SEM1: variants seen among roughly 807,000 people sequenced by gnomAD.
SEM1 encodes the protein 26S proteasome complex subunit SEM1.
A neutral mutation model predicts 12.7 loss-of-function variants in SEM1; 3 were observed. That is an observed-to-expected ratio of 0.24 (90% CI 0.11 to 0.61). SEM1 has a LOEUF of 0.61. Among genes scored for constraint, SEM1 ranks in the 20% least tolerant of loss-of-function variants. SEM1 has a pLI of 0.88. For missense variants in SEM1, 59 were observed against 81.3 expected, an observed-to-expected ratio of 0.73 and a Z score of 1.06; for synonymous variants, 30 against 27.8, an observed-to-expected ratio of 1.08 and a Z score of -0.25.
At chr7:96,512,845 G>T (rs896046764) in intron 2 of SEM1, among the ~76,000 whole-genome samples, 1 of 151,996 alleles carries the variant, frequency 6.6e-6, no homozygotes, top group Non-Finnish European at 1.5e-5. Context: ...CTCACATTTT[G>T]ATATTTACAA....
intron 2 of SEM1, among the ~76,000 whole-genome samples, chr7:96,588,467 AG>A (rs1308254371): frequency 6.7e-6 from 1 of 148,270 alleles, no homozygotes; most frequent in African/African-American, 2.4e-5. Flanking sequence ...TGACAACATT[AG>A]GTTTGACATG....
rs1054486666 is a variant in SEM1 at position 96,705,702 on chromosome 7, C to A, written c.76+3986G>T. The stretch of plus-strand genomic sequence containing the variant: ...GGGCGTGGTGACGGGCACCTGTAAT[C>A]CCAGCTACTAGGGAGGCTGAGGCAG... On this transcript the variant is annotated intron_variant, in intron 1 of 2. Transcript: ENST00000248566. 7.6e-4 allele frequency among the ~76,000 whole-genome samples: 115 copies of A among 151,994 alleles called. 1 individual carries two copies. Among genetic ancestry groups the A allele is most frequent in the African/African-American group, 2.7e-3 (112 of 41,464 alleles).
At chr7:96,691,156 A>G (rs1333053721) in intron 2 of SEM1, among the ~76,000 whole-genome samples, 1 of 152,204 alleles carries the variant, frequency 6.6e-6, no homozygotes, top group Non-Finnish European at 1.5e-5. Flanking sequence ...TAATACATAA[A>G]CAAATGATAT....
chr7:96,482,543 A>G (rs1018140277), exon 4 of SEM1: 7 of 152,156 alleles, frequency 4.6e-5, no homozygotes, highest in Non-Finnish European at 1.0e-4. Flanking sequence ...ACAGTCTTGT[A>G]TCTTACTTTC....
At chr7:96,546,279 A>C (rs1005749538) in intron 2 of SEM1, among the ~76,000 whole-genome samples, 1 of 152,118 alleles carries the variant, frequency 6.6e-6, no homozygotes, top group African/African-American at 2.4e-5. Context: ...GAGGGGAAGA[A>C]AATATGTAAA....
At chr7:96,589,151 C>T (rs1321654577) in intron 2 of SEM1, among the ~76,000 whole-genome samples, 3 of 152,166 alleles carry the variant, frequency 2.0e-5, no homozygotes, top group East Asian at 1.9e-4. Flanking sequence ...TTGACCTGGT[C>T]TCTCAGCTCC....
intron 2 of SEM1, among the ~76,000 whole-genome samples, chr7:96,667,887 T>C (rs1429497060): frequency 2.0e-5 from 3 of 152,214 alleles, no homozygotes; most frequent in African/African-American, 7.2e-5. Flanking sequence ...TTCCTGTTTG[T>C]GTAACACCAA....
chr7:96,676,786 T>C (rs1416295839), intron 2 of SEM1, among the ~76,000 whole-genome samples: 1 of 152,212 alleles, frequency 6.6e-6, no homozygotes, highest in Non-Finnish European at 1.5e-5. Flanking sequence ...ATACCATGCC[T>C]AGCATGTGAA....
At chr7:96,635,250 T>G (rs1202060509) in intron 2 of SEM1, among the ~76,000 whole-genome samples, 1 of 151,800 alleles carries the variant, frequency 6.6e-6, no homozygotes, top group East Asian at 1.9e-4. Flanking sequence ...TGGGGGTGGG[T>G]GTGGGGAATC....
intron 2 of SEM1, 59 bp from the exon 3 acceptor site, chr7:96,689,025 A>C: frequency 9.6e-7 from 1 of 1,041,132 alleles, no homozygotes; most frequent in African/African-American, 1.6e-5. Context: ...TTCTTTTAGA[A>C]ACAATACAAT....
intron 2 of SEM1, among the ~76,000 whole-genome samples, chr7:96,557,192 G>C (rs910569173): frequency 6.6e-6 from 1 of 151,448 alleles, no homozygotes; most frequent in Non-Finnish European, 1.5e-5. Flanking sequence ...CTCTCAGCTC[G>C]TCAAAGTCAT....
intron 2 of SEM1, among the ~76,000 whole-genome samples, chr7:96,561,613 A>G (rs1805693071): frequency 6.6e-6 from 1 of 152,216 alleles, no homozygotes; most frequent in Non-Finnish European, 1.5e-5. Flanking sequence ...GACCTAAATA[A>G]TATCTTCATT....
chr7:96,603,839 A>G (rs1807262420), intron 2 of SEM1, among the ~76,000 whole-genome samples: 1 of 151,850 alleles, frequency 6.6e-6, no homozygotes, highest in South Asian at 2.1e-4. Flanking sequence ...CTCATTCACT[A>G]AACTTACCTT....
intron 2 of SEM1, among the ~76,000 whole-genome samples, chr7:96,588,395 C>G (rs55932464): frequency 1.2e-3 from 81 of 70,050 alleles, no homozygotes; most frequent in African/African-American, 3.6e-3. Context: ...CACACACACA[C>G]ACGAGAGAGA....
intron 2 of SEM1, among the ~76,000 whole-genome samples, chr7:96,535,357 T>C (rs1465270233): frequency 6.6e-6 from 1 of 151,960 alleles, no homozygotes; most frequent in Non-Finnish European, 1.5e-5. Context: ...TTTGTGTTTT[T>C]TTCTTTTCGA....
intron 2 of SEM1, among the ~76,000 whole-genome samples, chr7:96,625,852 A>G (rs1808044481): frequency 6.6e-6 from 1 of 152,182 alleles, no homozygotes; most frequent in South Asian, 2.1e-4. Context: ...TGACCTGGTC[A>G]TCATAATTTT....
chr7:96,497,649 A>C (rs1049418514), upstream of SEM1, among the ~76,000 whole-genome samples: 5 of 152,146 alleles, frequency 3.3e-5, no homozygotes, highest in African/African-American at 1.2e-4. Context: ...CGTGGACTGG[A>C]TTTATCCTCC....
At chr7:96,559,537 G>C (rs1805628527) in intron 2 of SEM1, among the ~76,000 whole-genome samples, 1 of 152,184 alleles carries the variant, frequency 6.6e-6, no homozygotes, top group Non-Finnish European at 1.5e-5. Flanking sequence ...CCCACCCAAA[G>C]TGCTGGAATT....
intron 2 of SEM1, among the ~76,000 whole-genome samples, chr7:96,533,074 T>C (rs1804686183): frequency 6.6e-6 from 1 of 152,122 alleles, no homozygotes; most frequent in African/African-American, 2.4e-5. Context: ...AAGTTCCATC[T>C]CTTATACACC....
Sources: allele counts gnomAD v4.1 joint callset (sites outside exome capture counted in the v4.1 genomes callset), GRCh38; gene constraint gnomAD v4.1.1; transcripts MANE v1.5; gene names NCBI Gene and HGNC (gene_info 2026-07-23, HGNC 2026-07-21).